The following PCDHGA4 variants were observed in gnomAD, a reference collection of about 807,000 sequenced individuals.
PCDHGA4 encodes the protein protocadherin gamma subfamily A, 4.
A neutral mutation model predicts 54.6 loss-of-function variants in PCDHGA4; 38 were observed. The ratio of observed to expected loss-of-function variants is 0.70; its 90% confidence interval spans 0.54 to 0.91. The LOEUF is 0.91. PCDHGA4 is among the 40% of genes least tolerant of loss of function. The pLI, the probability that PCDHGA4 is intolerant of heterozygous loss-of-function variation, is 0.00. For synonymous variants in PCDHGA4, 511 were observed against 512.9 expected (o/e 1.00, Z 0.05); for missense variants, 1,298 against 1,220.9 (o/e 1.06, Z -0.94).
chr5:141,387,086 A>G (rs761672201), intron 1 of PCDHGA4, among the ~76,000 whole-genome samples: 4 of 152,226 alleles, frequency 2.6e-5, no homozygotes, highest in Non-Finnish European at 5.9e-5. Context: ...GCCTGTGATC[A>G]TCGAAATGAG....
intron 1 of PCDHGA4, chr5:141,414,450 A>C (rs759840643): frequency 9.3e-6 from 15 of 1,613,772 alleles, no homozygotes. Context: ...ACAATATCAC[A>C]GTGACAGCCA....
At chr5:141,404,371 C>T in intron 1 of PCDHGA4, 2 of 1,613,892 alleles carry the variant, frequency 1.2e-6, no homozygotes, top group Non-Finnish European at 1.7e-6. Flanking sequence ...CCATCTTCTC[C>T]GTGATTGCCT....
chr5:141,477,438 C>T lies in PCDHGA4; in HGVS notation c.2515-17369C>T, dbSNP rs1386997844. On this transcript the variant is annotated intron_variant, in intron 1 of 3. Transcript: ENST00000571252. This position sits in a 1 kb window ranked among gnomAD's most constrained non-coding sequence, Gnocchi z 4.9. ...GGAACCCCTTCCCTCTCAGCCCTTA[C>T]AATAGTGCGTGTTCAAGTGTCCGAC... 6.2e-7 allele frequency: 1 copy of T among 1,614,174 alleles called. No homozygotes were observed. The highest frequency in any genetic ancestry group is 8.5e-7 in the Non-Finnish European group (1 of 1,180,030).
chr5:141,393,315 C>A, intron 1 of PCDHGA4: 1 of 1,613,104 alleles, frequency 6.2e-7, no homozygotes. Flanking sequence ...GAACTCCCTC[C>A]AGAGCTACCA....
rs542248328 is a variant in PCDHGA4, at chr5:141,432,682, C to T, written c.2515-62125C>T. ...TGGACAGAGACGCGCTCAAGCAGAG[C>T]CTCGTAGTGGCCGTCCAGGACCACG... On this transcript the variant is annotated intron_variant, in intron 1 of 3. Coordinates refer to ENST00000571252, the MANE Select transcript of PCDHGA4 (RefSeq NM_018917.4). This position sits in a 1 kb window ranked among gnomAD's most constrained non-coding sequence, Gnocchi z 6.0. The T allele has an allele frequency of 6.5e-5, 105 of 1,613,976 alleles. No homozygotes were observed. In the African/African-American group the frequency reaches 1.1e-3, roughly 17 times the overall value.
At chr5:141,468,194 G>A (rs959390749) in intron 1 of PCDHGA4, among the ~76,000 whole-genome samples, 21 of 151,716 alleles carry the variant, frequency 1.4e-4, no homozygotes, top group South Asian at 2.1e-4. Flanking sequence ...GCATGGTGGC[G>A]GGTGCCTGTA....
chr5:141,423,273 G>C, intron 1 of PCDHGA4: 2 of 1,613,896 alleles, frequency 1.2e-6, no homozygotes, highest in Non-Finnish European at 1.7e-6. Flanking sequence ...TCGAGTCTCT[G>C]GCTAACTCTG....
rs764434052 is a variant in PCDHGA4, at chr5:141,431,792, C to T, written c.2515-63015C>T. ...TGTTCTGGACGTGAACGACAATGCC[C>T]CAGAAGTGGTCCTCACCTCTCTCGC... is the stretch of plus-strand genomic sequence containing the variant. On this transcript the variant is annotated intron_variant, in intron 1 of 3. Transcript: ENST00000571252. This position sits in a 1 kb window ranked among gnomAD's most constrained non-coding sequence, Gnocchi z 4.8. The T allele has an allele frequency of 3.7e-6, 6 of 1,614,234 alleles. No homozygotes were observed. The South Asian group carries it at 6.6e-5, about 18-fold the overall frequency.
rs1297105453 is a variant in PCDHGA4, at chr5:141,357,419, T to C, written c.2312T>C (p.Phe771Ser). The change falls in exon 1 of 4, where the codon TTT becomes TCT. Residue 771 changes from phenylalanine (F) to serine (S), a missense_variant. Transcript: ENST00000571252. ...TTGGCAGGTGTGCCTGCCTCGCACT[T>C]TGTGGGCGTGGACGGGGTTCGGGCT... ...SRLAGVPASH[F>S]VGVDGVRAFL... 4 of 1,614,064 alleles carry C rather than the reference T, an allele frequency of 2.5e-6. No homozygotes were observed. In the Admixed American group the frequency reaches 5.0e-5, roughly 20 times the overall value.
chr5:141,364,177 C>G (rs1432921471), intron 1 of PCDHGA4: 4 of 848,374 alleles, frequency 4.7e-6, no homozygotes, highest in Non-Finnish European at 6.7e-6. Flanking sequence ...GACTCTGCTC[C>G]CTCCATACTA....
rs1588712478 is a variant in PCDHGA4 at position 141,372,895 on chromosome 5, T to G, written c.2514+15274T>G. On this transcript the variant is annotated intron_variant, in intron 1 of 3. Transcript: ENST00000571252. ...AGATAAAAAGAATACAGATTAAATA[T>G]TCCCTGATTACATTATTTTATTGAT... 5 of 1,115,450 alleles carry G rather than the reference T, an allele frequency of 4.5e-6. No individual in the cohort carries two copies. The East Asian group carries it at 1.3e-4, about 29-fold the overall frequency. The allele number at this position is 1,115,450 out of a possible 1,614,324, so 69.1% of individuals were successfully genotyped here.
intron 1 of PCDHGA4, among the ~76,000 whole-genome samples, chr5:141,445,441 C>G (rs1201825256): frequency 6.6e-6 from 1 of 152,152 alleles, no homozygotes; most frequent in East Asian, 1.9e-4. Context: ...GACCTATGGA[C>G]TAAGGATGCA....
chr5:141,482,728 A>T (rs192207285), intron 1 of PCDHGA4, among the ~76,000 whole-genome samples: 97 of 128,396 alleles, frequency 7.6e-4, no homozygotes, highest in Admixed American at 3.3e-3. Context: ...GGGCCATTGC[A>T]AGAAATTCCA....
Position 141,372,600 on chromosome 5 carries a change from G to C in PCDHGA4, c.2514+14979G>C, listed in dbSNP as rs770114948. ...TCAGCCTGGTGTCTGCTTCAAGACT[G>C]TACCTGGAGTTCTCCCCACCTACAG... On this transcript the variant is annotated intron_variant, in intron 1 of 3. Coordinates refer to ENST00000571252, the MANE Select transcript of PCDHGA4 (RefSeq NM_018917.4). 15 of 1,613,886 alleles carry C rather than the reference G, an allele frequency of 9.3e-6. No homozygotes were observed. Among genetic ancestry groups the C allele is most frequent in the South Asian group, 2.2e-5 (2 of 91,088 alleles).
chr5:141,438,392 ATTAAC>A (rs1296512476), intron 1 of PCDHGA4, among the ~76,000 whole-genome samples: 3 of 151,714 alleles, frequency 2.0e-5, no homozygotes, highest in African/African-American at 7.3e-5. Context: ...TTAGTTCATC[ATTAAC>A]TCTCTGAAGT....
At chr5:141,371,368 G>A in intron 1 of PCDHGA4, 1 of 1,613,970 alleles carries the variant, frequency 6.2e-7, no homozygotes, top group South Asian at 1.1e-5. Flanking sequence ...AAGGATGGTG[G>A]ACATCACACT....
intron 1 of PCDHGA4, chr5:141,394,762 G>A: frequency 6.2e-7 from 1 of 1,613,396 alleles, no homozygotes; most frequent in Non-Finnish European, 8.5e-7. Flanking sequence ...CAGGACCATG[G>A]CCAGCCCCCT....
intron 1 of PCDHGA4, among the ~76,000 whole-genome samples, chr5:141,433,790 T>A (rs1052636810): frequency 2.0e-5 from 3 of 151,564 alleles, no homozygotes; most frequent in South Asian, 4.2e-4. Flanking sequence ...TGAGCTGAGA[T>A]TGTGCCATTG....
chr5:141,398,789 C>G (rs1400897772), intron 1 of PCDHGA4: 5 of 1,613,778 alleles, frequency 3.1e-6, no homozygotes, highest in Non-Finnish European at 4.2e-6. Context: ...GGACATCCAC[C>G]CCTAAGCGGC....
Sources: gnomAD v4.1 joint callset for allele counts (sites outside exome capture counted in the v4.1 genomes callset) on GRCh38, gnomAD v4.1.1 for gene constraint, Gnocchi (gnomAD v3.1) non-coding constraint, MANE v1.5 for transcripts, NCBI Gene and HGNC (gene_info 2026-07-23, HGNC 2026-07-21) for gene names.